Variants in CACNA1E observed in about 807,000 individuals in gnomAD.
CACNA1E encodes the protein calcium voltage-gated channel subunit alpha1 E, also known as voltage-dependent R-type calcium channel subunit alpha-1E.
CACNA1E carries 40 observed loss-of-function variants against 259.2 expected under a neutral mutation model. The ratio of observed to expected loss-of-function variants is 0.15; its 90% CI spans 0.12 to 0.20. The LOEUF (loss-of-function observed/expected upper bound fraction) is 0.20, where lower values mean the gene tolerates loss of function less well. Among genes scored for constraint, CACNA1E ranks in the 10% least tolerant of loss-of-function variants. CACNA1E has a pLI of 1.00. For missense variants in CACNA1E, 1,874 were observed against 3,040.1 expected, an observed-to-expected ratio of 0.62 and a Z score of 9.02; for synonymous variants, 1,104 against 1,138.5, an observed-to-expected ratio of 0.97 and a Z score of 0.61.
At chr1:181,579,783 G>C (rs371431735) in intron 5 of CACNA1E, among the ~76,000 whole-genome samples, 5 of 152,290 alleles carry the variant, frequency 3.3e-5, no homozygotes, top group African/African-American at 1.2e-4. Context: ...TGAGATCTAG[G>C]AGTCCAGAGT....
intron 37 of CACNA1E, among the ~76,000 whole-genome samples, chr1:181,775,362 T>A (rs1659885059): frequency 6.6e-6 from 1 of 152,200 alleles, no homozygotes; most frequent in Admixed American, 6.5e-5. Context: ...GTCCTGTCGA[T>A]TCCACCTTTG....
At chr1:181,665,346 A>G (rs1648114876) in intron 7 of CACNA1E, among the ~76,000 whole-genome samples, 1 of 152,196 alleles carries the variant, frequency 6.6e-6, no homozygotes, top group Admixed American at 6.5e-5. Context: ...AACCCAGTAG[A>G]TGATTGTGCC....
chr1:181,764,994 A>G (rs545346801), intron 34 of CACNA1E, among the ~76,000 whole-genome samples: 42 of 152,216 alleles, frequency 2.8e-4, no homozygotes, highest in Non-Finnish European at 5.9e-4. Context: ...ATTTGCCTCC[A>G]GGTGACACTG....
chr1:181,423,662 A>ATTTTTTTTTT (rs11302089), intron 2 of CACNA1E, among the ~76,000 whole-genome samples: 9,431 of 127,856 alleles, frequency 0.074, 329 homozygotes, highest in South Asian at 0.17. Flanking sequence ...CATTGGGCCA[A>ATTTTTTTTTT]TTTTTTTTTT....
chr1:181,645,150 A>C (rs114940793), intron 6 of CACNA1E, among the ~76,000 whole-genome samples: 3 of 152,192 alleles, frequency 2.0e-5, no homozygotes, highest in Non-Finnish European at 4.4e-5. Context: ...GGCTCAGCAC[A>C]TGCAGGAAAG....
chr1:181,455,926 A>G (rs1297149075), intron 2 of CACNA1E, among the ~76,000 whole-genome samples: 1 of 152,160 alleles, frequency 6.6e-6, no homozygotes, highest in East Asian at 1.9e-4. Flanking sequence ...AACAGGATGC[A>G]TTTACTGGGT....
intron 1 of CACNA1E, among the ~76,000 whole-genome samples, chr1:181,505,488 C>T (rs911237927): frequency 6.6e-6 from 1 of 152,160 alleles, no homozygotes; most frequent in African/African-American, 2.4e-5. Context: ...TCTCCTGCCT[C>T]AGCCTCCTGA....
intron 15 of CACNA1E, 103 bp from the exon 16 acceptor site, chr1:181,721,655 G>T: frequency 1.7e-6 from 1 of 588,736 alleles, no homozygotes. Context: ...GTCAAGCAAG[G>T]GGGTAGATGC....
chr1:181,564,650 T>C (rs1385632560), intron 3 of CACNA1E, among the ~76,000 whole-genome samples: 2 of 152,208 alleles, frequency 1.3e-5, no homozygotes, highest in Non-Finnish European at 2.9e-5. Flanking sequence ...TGGTGAGTCC[T>C]TTCCAGAAGG....
At chr1:181,650,901 C>G (rs1658697076) in intron 6 of CACNA1E, among the ~76,000 whole-genome samples, 1 of 152,204 alleles carries the variant, frequency 6.6e-6, no homozygotes, top group Non-Finnish European at 1.5e-5. Context: ...AAATGTCTTC[C>G]AAATAACCCT....
chr1:181,746,105 T>G (rs1657058514), intron 25 of CACNA1E, among the ~76,000 whole-genome samples: 1 of 152,152 alleles, frequency 6.6e-6, no homozygotes, highest in South Asian at 2.1e-4. Flanking sequence ...GGTTCGAGGG[T>G]GACCCCAAGA....
chr1:181,364,877 G>A (rs72729333), intron 1 of CACNA1E, among the ~76,000 whole-genome samples: 1 of 152,296 alleles, frequency 6.6e-6, no homozygotes, highest in Non-Finnish European at 1.5e-5. Flanking sequence ...GAGTGGGCAG[G>A]AGGCTTTTCC....
intron 1 of CACNA1E, among the ~76,000 whole-genome samples, chr1:181,344,360 A>T (rs773501469): frequency 1.3e-5 from 2 of 152,190 alleles, no homozygotes; most frequent in Non-Finnish European, 2.9e-5. Flanking sequence ...TGGTCTTGCT[A>T]CTTCTACAAG....
intron 1 of CACNA1E, among the ~76,000 whole-genome samples, chr1:181,378,810 C>T (rs1030418803): frequency 6.6e-6 from 1 of 152,182 alleles, no homozygotes; most frequent in Non-Finnish European, 1.5e-5. Flanking sequence ...CTAGAGCAAA[C>T]ATCACTCTGA....
At chr1:181,757,254 G>A in intron 30 of CACNA1E, 128 bp downstream of exon 30, 1 of 675,468 alleles carries the variant, frequency 1.5e-6, no homozygotes, top group Non-Finnish European at 2.5e-6. Flanking sequence ...GATGGGAAAA[G>A]TAACTATTCA....
At position 181,710,969 on chromosome 1, in the gene CACNA1E, G is replaced by A; in HGVS notation, c.1071G>A (p.Glu357=). 1.2e-6 allele frequency: 2 copies of A among 1,609,918 alleles called. No homozygotes were observed. Among genetic ancestry groups the A allele is most frequent in the Non-Finnish European group, 1.7e-6 (2 of 1,176,452 alleles). The part of the protein sequence containing the change: ...LGVLSGEFAK[E]RERVENRRAF... ...TTGTCCACAGGGAATTTGCCAAAGA[G>A]AGAGAGAGAGTGGAGAACCGAAGGG... The change falls in exon 8 of 48, where the codon GAG becomes GAA. Residue 357 remains glutamate, a synonymous_variant. Coordinates refer to ENST00000367573, the MANE Select transcript of CACNA1E (RefSeq NM_001205293.3).
At chr1:181,743,001 A>T (rs1572767189) in intron 25 of CACNA1E, among the ~76,000 whole-genome samples, 1 of 152,206 alleles carries the variant, frequency 6.6e-6, no homozygotes, top group Non-Finnish European at 1.5e-5. Flanking sequence ...AAATGGAAAG[A>T]TACCCACATT....
At chr1:181,428,628 AGTGGTG>A (rs1659481927) in intron 2 of CACNA1E, among the ~76,000 whole-genome samples, 1 of 151,950 alleles carries the variant, frequency 6.6e-6, no homozygotes, top group Non-Finnish European at 1.5e-5. Flanking sequence ...CTTGGGCCCC[AGTGGTG>A]GGTTTGTGAT....
chr1:181,751,198 G>A, intron 26 of CACNA1E, among the ~76,000 whole-genome samples: 1 of 152,176 alleles, frequency 6.6e-6, no homozygotes, highest in East Asian at 1.9e-4. Flanking sequence ...TGAATTGAAT[G>A]CAAATATCTC....
Sources: gnomAD v4.1 joint callset for allele counts (sites outside exome capture counted in the v4.1 genomes callset) on GRCh38, gnomAD v4.1.1 for gene constraint, MANE v1.5 for transcripts, NCBI Gene and HGNC (gene_info 2026-07-23, HGNC 2026-07-21) for gene names.